The following WT1 variants were observed in gnomAD, a reference collection of about 807,000 sequenced individuals.
The protein encoded by WT1 is WT1 transcription factor, also known as Wilms tumor protein.
Under a neutral mutation model 60.8 loss-of-function variants are expected in WT1, and 8 were observed. The observed-to-expected ratio is 0.13, with a 90% CI of 0.08 to 0.24. The LOEUF is 0.24. Among genes scored for constraint, WT1 ranks in the 10% least tolerant of loss-of-function variants. The probability of loss-of-function intolerance (pLI) is 1.00; values close to 1 mark genes in which losing one functional copy is unlikely to be tolerated. For missense variants in WT1, 568 were observed against 711.8 expected, an observed-to-expected ratio of 0.80 and a Z score of 2.30; for synonymous variants, 312 against 297.1, an observed-to-expected ratio of 1.05 and a Z score of -0.52.
At chr11:32,409,024 A>G (rs972253244) in intron 5 of WT1, among the ~76,000 whole-genome samples, 6 of 152,100 alleles carry the variant, frequency 3.9e-5, no homozygotes, top group Non-Finnish European at 5.9e-5. Context: ...TGAATATCCA[A>G]TTTCCCTGTA....
chr11:32,435,130 G>T lies in WT1; in HGVS notation c.231C>A (p.Asp77Glu), dbSNP rs1193574882. The T allele has an allele frequency of 2.0e-6, 3 of 1,517,916 alleles. No homozygotes were observed. Among genetic ancestry groups the T allele is most frequent in the Non-Finnish European group, 2.6e-6 (3 of 1,140,484 alleles). The allele number at this position is 1,517,916 out of a possible 1,614,324, so 94.0% of individuals were successfully genotyped here. A position where few individuals can be genotyped will look rare whatever the true frequency, so the allele number is the denominator to read the frequency against. The change falls in exon 1 of 10, where the codon GAC becomes GAA. Residue 77 changes from aspartate to glutamate, a missense_variant. Around this residue, in one of 3 missense-constraint regions of WT1, gnomAD observed 523 missense variants for 565.1 expected, o/e 0.93. Transcript: ENST00000452863. ...GCAGCAGCGCGTTCAGGTCCCGCAC[G>T]TCGGAGCCCATTTGCTGCGGCTCAG...
chr11:32,417,874 A>G (rs1852728730), intron 3 of WT1, among the ~76,000 whole-genome samples: 2 of 152,178 alleles, frequency 1.3e-5, no homozygotes, highest in African/African-American at 4.8e-5. Context: ...AGTAACTCAG[A>G]AGCATTTTTT....
intron 5 of WT1, among the ~76,000 whole-genome samples, chr11:32,408,885 C>A (rs1402243437): frequency 1.3e-5 from 2 of 152,126 alleles, no homozygotes; most frequent in African/African-American, 2.4e-5. Context: ...ACTGTGTACT[C>A]GTATGAACCA....
chr11:32,422,582 CCAACCCAAGTGGTAGATCGG>C (rs1253698440), intron 3 of WT1, among the ~76,000 whole-genome samples: 2 of 152,214 alleles, frequency 1.3e-5, no homozygotes, highest in Non-Finnish European at 2.9e-5. Context: ...ATGTTGAAGG[CCAACCCAAGTGGTAGATCGG>C]CACTTCCCAC....
intron 5 of WT1, 88 bp downstream of exon 5, chr11:32,416,402 C>A: frequency 6.5e-7 from 1 of 1,536,366 alleles, no homozygotes; most frequent in South Asian, 1.1e-5. Context: ...CCTGATTACC[C>A]ACGTCAGTCC....
At chr11:32,401,551 T>A (rs990418080) in intron 5 of WT1, among the ~76,000 whole-genome samples, 1 of 152,070 alleles carries the variant, frequency 6.6e-6, no homozygotes, top group Non-Finnish European at 1.5e-5. Flanking sequence ...TATTTATTTA[T>A]TTATTTTGAG....
intron 5 of WT1, among the ~76,000 whole-genome samples, chr11:32,413,821 C>A (rs1852578431): frequency 1.3e-5 from 2 of 152,154 alleles, no homozygotes; most frequent in South Asian, 4.1e-4. Flanking sequence ...GGTTTCCACC[C>A]ATTTAAGAAG....
intron 1 of WT1, chr11:32,429,086 T>G: frequency 3.6e-6 from 1 of 278,894 alleles, no homozygotes; most frequent in South Asian, 4.1e-5. Flanking sequence ...CGCACCAACT[T>G]TCATTAATTA....
At position 32,389,056 on chromosome 11, in the gene WT1, C is replaced by A. The variant is rs758798048; in HGVS notation, c.*2G>T. The A allele has an allele frequency of 3.1e-6, 5 of 1,614,206 alleles. No homozygotes were observed. Among genetic ancestry groups the A allele is most frequent in the Non-Finnish European group, 4.2e-6 (5 of 1,180,030 alleles). On this transcript the variant is annotated 3_prime_UTR_variant, in exon 10 of 10. Coordinates refer to ENST00000452863, the MANE Select transcript of WT1 (RefSeq NM_024426.6). ...CACTGAACGGTCCCCGAGGGAGACC[C>A]CTCAAAGCGCCAGCTGGAGTTTGGT...
intron 1 of WT1, among the ~76,000 whole-genome samples, chr11:32,432,024 C>G (rs1432291624): frequency 3.9e-5 from 6 of 152,184 alleles, no homozygotes; most frequent in Non-Finnish European, 7.3e-5. Flanking sequence ...CAAAGGTTCT[C>G]GAGGCCATTG....
intron 6 of WT1, among the ~76,000 whole-genome samples, chr11:32,396,768 G>T (rs183983592): frequency 1.3e-5 from 2 of 152,168 alleles, no homozygotes; most frequent in Admixed American, 1.3e-4. Flanking sequence ...ATGTCTGCAA[G>T]TCCAAAGTCC....
intron 9 of WT1, among the ~76,000 whole-genome samples, chr11:32,390,559 T>C (rs763929758): frequency 6.6e-6 from 1 of 152,180 alleles, no homozygotes; most frequent in Non-Finnish European, 1.5e-5. Flanking sequence ...GCGAAGAATC[T>C]GGGGCTGCTC....
Position 32,404,973 on chromosome 11 carries a change from G to A in WT1, c.1017-4929C>T, listed in dbSNP as rs201156685. Among the ~76,000 whole-genome samples the A allele has an allele frequency of 3.7e-4, 57 of 152,018 alleles. 2 individuals are homozygous for A. In the East Asian group the frequency reaches 9.1e-3, roughly 24 times the overall value. On this transcript the variant is annotated intron_variant, in intron 5 of 9. Transcript: ENST00000452863. The stretch of plus-strand genomic sequence containing the variant: ...AGACATTTATCTGTCTCAACTCTTC[G>A]GTCACCTCTCTTATTCTCCATGAAT...
intron 1 of WT1, chr11:32,430,625 C>T (rs1281394751): frequency 1.9e-6 from 3 of 1,542,716 alleles, no homozygotes; most frequent in African/African-American, 1.4e-5. Flanking sequence ...CGGCGAGGGC[C>T]GTGGGTCCCG....
rs761622301 is a variant in WT1 at position 32,430,486 on chromosome 11, G to GAGAGAGAGAGAGAC, written c.662-1868_662-1867insGTCTCTCTCTCTCT. On this transcript the variant is annotated intron_variant, in intron 1 of 9. Transcript: ENST00000452863. ...AGAGAGAGAGAGAGAGAGAGAGAGA[G>GAGAGAGAGAGAGAC]AGAGACGAAATAGAAGCTACGAAGA... is the stretch of plus-strand genomic sequence containing the variant. 7.4e-5 allele frequency: 117 copies of GAGAGAGAGAGAGAC among 1,573,528 alleles called. No homozygotes were observed. In the African/African-American group the frequency reaches 1.6e-3, roughly 21 times the overall value.
intron 7 of WT1, among the ~76,000 whole-genome samples, chr11:32,393,136 C>A (rs1403766464): frequency 1.3e-5 from 2 of 152,204 alleles, no homozygotes; most frequent in East Asian, 1.9e-4. Flanking sequence ...AAAACAAAAT[C>A]TTTAACTCCC....
intron 6 of WT1, among the ~76,000 whole-genome samples, chr11:32,398,875 A>G (rs2132951354): frequency 6.6e-6 from 1 of 151,084 alleles, no homozygotes; most frequent in South Asian, 2.1e-4. Context: ...AAAAAGACCG[A>G]GCCGGGCACA....
chr11:32,404,669 C>T (rs1230204037), intron 5 of WT1, among the ~76,000 whole-genome samples: 2 of 152,152 alleles, frequency 1.3e-5, no homozygotes, highest in Non-Finnish European at 2.9e-5. Context: ...GCATTTAGTC[C>T]ATCATCCCCT....
At chr11:32,408,703 G>A (rs986478480) in intron 5 of WT1, among the ~76,000 whole-genome samples, 7 of 152,056 alleles carry the variant, frequency 4.6e-5, no homozygotes, top group East Asian at 1.9e-4. Flanking sequence ...TCCAGACTGT[G>A]GGATATTCTA....
Sources: allele counts gnomAD v4.1 joint callset (sites outside exome capture counted in the v4.1 genomes callset), GRCh38; gene constraint gnomAD v4.1.1; regional missense constraint gnomAD v4.1.1; transcripts MANE v1.5; gene names NCBI Gene and HGNC (gene_info 2026-07-23, HGNC 2026-07-21).